VMP1: variants seen among roughly 807,000 people sequenced by gnomAD.
VMP1 encodes the protein vacuole membrane protein 1.
In VMP1, 11 loss-of-function variants were observed where a neutral mutation model predicts 56.0. The observed-to-expected ratio is 0.20, with a 90% CI of 0.12 to 0.32. VMP1 has a LOEUF of 0.32. VMP1 is among the 10% of genes least tolerant of loss of function. The pLI is 1.00. For synonymous variants in VMP1, 149 were observed against 165.0 expected (o/e 0.90, Z 0.74); for missense variants, 296 against 490.3 (o/e 0.60, Z 3.74).
intron 9 of VMP1, among the ~76,000 whole-genome samples, chr17:59,815,798 G>C (rs1448785158): frequency 6.7e-6 from 1 of 149,032 alleles, no homozygotes. Context: ...GGAGGTTGCA[G>C]TGAGCCCAGA....
intron 7 of VMP1, among the ~76,000 whole-genome samples, chr17:59,800,163 G>T (rs145107447): frequency 6.6e-6 from 1 of 152,224 alleles, no homozygotes; most frequent in East Asian, 1.9e-4. Context: ...TTGTGTTCAA[G>T]AAAGATTTGA....
chr17:59,755,225 A>T (rs578087409), intron 5 of VMP1, among the ~76,000 whole-genome samples: 5 of 151,110 alleles, frequency 3.3e-5, no homozygotes, highest in Non-Finnish European at 7.4e-5. Flanking sequence ...CTCCTGCCTC[A>T]CCCTCCCGAA....
At chr17:59,798,225 A>G (rs2037513694) in intron 7 of VMP1, among the ~76,000 whole-genome samples, 1 of 152,214 alleles carries the variant, frequency 6.6e-6, no homozygotes. Context: ...AAATCCACTT[A>G]ATCCTGATCT....
chr17:59,794,455 T>C (rs944168760), intron 7 of VMP1, among the ~76,000 whole-genome samples: 1 of 148,590 alleles, frequency 6.7e-6, no homozygotes, highest in Non-Finnish European at 1.5e-5. Context: ...CCTAACCTCA[T>C]GATCTGCCCG....
rs1179269248 is a variant in VMP1 at position 59,772,950 on chromosome 17, C to CTTTTTTTTTTTTTTTTTTTTTTTT, written c.583-797_583-774dup. Among the ~76,000 whole-genome samples, 33 of 55,716 alleles carry CTTTTTTTTTTTTTTTTTTTTTTTT rather than the reference C, an allele frequency of 5.9e-4. 6 individuals carry two copies. Among genetic ancestry groups the CTTTTTTTTTTTTTTTTTTTTTTTT allele is most frequent in the Admixed American group, 9.3e-4 (3 of 3,216 alleles). 36.6% of individuals were successfully genotyped at this position (55,716 alleles called of 152,430 possible). A position where few individuals can be genotyped will look rare whatever the true frequency, so the allele number is the denominator to read the frequency against. On this transcript the variant is annotated intron_variant, in intron 6 of 11. Coordinates refer to ENST00000262291, the MANE Select transcript of VMP1 (RefSeq NM_030938.5). ...TATCTAACACATATACTGGTGAATT[C>CTTTTTTTTTTTTTTTTTTTTTTTT]TTTTTTTTTTTTTTTTTTTTTTTTT...
chr17:59,758,450 G>A (rs749770552), intron 5 of VMP1, among the ~76,000 whole-genome samples: 1 of 152,124 alleles, frequency 6.6e-6, no homozygotes, highest in Non-Finnish European at 1.5e-5. Context: ...ACTTTGGGAG[G>A]CCAAGGCAGG....
intron 9 of VMP1, among the ~76,000 whole-genome samples, chr17:59,815,533 A>G (rs368192189): frequency 1.4e-5 from 2 of 146,690 alleles, no homozygotes. Flanking sequence ...TAGGCACTCA[A>G]TATTTAATAA....
rs138238284 is a variant in VMP1, at chr17:59,793,645, G to T, written c.715-15151G>T. Among the ~76,000 whole-genome samples the T allele has an allele frequency of 9.5e-3, 1,098 of 115,394 alleles. 161 individuals are homozygous for T. The highest frequency in any genetic ancestry group is 0.026 in the African/African-American group (1,011 of 38,636). 75.7% of individuals were successfully genotyped at this position (115,394 alleles called of 152,430 possible). A position where few individuals can be genotyped will look rare whatever the true frequency, so the allele number is the denominator to read the frequency against. ...GTGTGTTTATTTATTTATTTTTTTT[G>T]AGATGGAGTCTTGCTCTGTCGCCCA... is the stretch of plus-strand genomic sequence containing the variant. On this transcript the variant is annotated intron_variant, in intron 7 of 11. Coordinates refer to ENST00000262291, the MANE Select transcript of VMP1 (RefSeq NM_030938.5).
chr17:59,760,445 T>C (rs1450386652), intron 5 of VMP1, among the ~76,000 whole-genome samples: 1 of 152,182 alleles, frequency 6.6e-6, no homozygotes, highest in Non-Finnish European at 1.5e-5. Flanking sequence ...GTAATTCTGA[T>C]GTCCTGTGGT....
intron 8 of VMP1, 64 bp from the exon 9 acceptor site, chr17:59,811,606 T>G: frequency 8.2e-7 from 1 of 1,212,376 alleles, no homozygotes; most frequent in East Asian, 2.3e-5. Context: ...CACATATCAA[T>G]GGGTGATAAA....
At chr17:59,747,566 C>T (rs9907923) in intron 5 of VMP1, among the ~76,000 whole-genome samples, 38,928 of 151,086 alleles carry the variant, frequency 0.26, 5,388 homozygotes, top group East Asian at 0.44. Flanking sequence ...CGTGCCACTA[C>T]CGCCCAGCTA....
intron 7 of VMP1, among the ~76,000 whole-genome samples, chr17:59,796,283 A>G (rs917197598): frequency 1.3e-5 from 2 of 152,102 alleles, no homozygotes; most frequent in Admixed American, 6.6e-5. Flanking sequence ...TGACTGTCCT[A>G]TTTAGTTTTC....
intron 1 of VMP1, among the ~76,000 whole-genome samples, chr17:59,724,227 GAAAGA>G (rs2034508070): frequency 2.7e-5 from 3 of 112,542 alleles, no homozygotes; most frequent in East Asian, 2.5e-4. Flanking sequence ...AAAAAAAAAA[GAAAGA>G]AAAGAAAAAG....
intron 7 of VMP1, among the ~76,000 whole-genome samples, chr17:59,791,488 GCT>G (rs1340765472): frequency 1.4e-5 from 2 of 146,252 alleles, no homozygotes; most frequent in Non-Finnish European, 3.0e-5. Context: ...ACCGTGCCCG[GCT>G]CTTTTTTTTT....
chr17:59,731,329 C>T, intron 1 of VMP1, 92 bp from the exon 2 acceptor site: 1 of 711,602 alleles, frequency 1.4e-6, no homozygotes, highest in Non-Finnish European at 2.2e-6. Context: ...TGGCTTATTA[C>T]TGTGATGTTA....
chr17:59,815,894 A>T (rs964569720), intron 9 of VMP1, among the ~76,000 whole-genome samples: 1 of 150,512 alleles, frequency 6.6e-6, no homozygotes, highest in Non-Finnish European at 1.5e-5. Context: ...CTTTCCAATG[A>T]AGGACTTCTT....
chr17:59,838,266 T>C (rs371666723), intron 10 of VMP1, 29 bp from the exon 11 acceptor site: 918 of 1,592,880 alleles, frequency 5.8e-4, no homozygotes, highest in Non-Finnish European at 7.4e-4. Context: ...ATGTGTCTTT[T>C]TCTTTGGGCT....
chr17:59,714,411 C>T (rs1208132317), intron 1 of VMP1, among the ~76,000 whole-genome samples: 1 of 152,002 alleles, frequency 6.6e-6, no homozygotes, highest in Non-Finnish European at 1.5e-5. Flanking sequence ...TCTTAAAGGC[C>T]TTGTCTCACT....
intron 5 of VMP1, among the ~76,000 whole-genome samples, chr17:59,747,386 C>T (rs1275295802): frequency 2.7e-5 from 4 of 150,476 alleles, no homozygotes; most frequent in Admixed American, 1.3e-4. Flanking sequence ...AGCAAGACCC[C>T]GGGTTTTTTT....
Sources: allele counts gnomAD v4.1 joint callset (sites outside exome capture counted in the v4.1 genomes callset), GRCh38; gene constraint gnomAD v4.1.1; transcripts MANE v1.5; gene names NCBI Gene and HGNC (gene_info 2026-07-23, HGNC 2026-07-21).